Variants in ZFYVE9 observed in about 807,000 individuals in gnomAD.
ZFYVE9 encodes zinc finger FYVE domain-containing protein 9.
Under a neutral mutation model 126.7 loss-of-function variants are expected in ZFYVE9, and 43 were observed. That is an observed-to-expected ratio of 0.34 (90% CI 0.27 to 0.44). The LOEUF is 0.44. ZFYVE9 is among the 20% of genes least tolerant of loss of function. The pLI is 1.00. For missense variants in ZFYVE9, 1,476 were observed against 1,697.0 expected, an observed-to-expected ratio of 0.87 and a Z score of 2.29; for synonymous variants, 521 against 597.4, an observed-to-expected ratio of 0.87 and a Z score of 1.87.
intron 3 of ZFYVE9, 28 bp downstream of exon 3, chr1:52,233,304 T>A: frequency 6.5e-7 from 1 of 1,540,250 alleles, no homozygotes; most frequent in South Asian, 1.3e-5. Flanking sequence ...TGAATCTGTT[T>A]GCCTATGTGG....
At chr1:52,278,710 G>T (rs879093304) in intron 9 of ZFYVE9, 96 bp downstream of exon 9, 5 of 813,508 alleles carry the variant, frequency 6.1e-6, no homozygotes, top group Non-Finnish European at 9.2e-6. Context: ...TTTTTATATA[G>T]AGCCACATCT....
chr1:52,326,120 C>CTCT (rs920592772), intron 13 of ZFYVE9, among the ~76,000 whole-genome samples: 54 of 152,208 alleles, frequency 3.5e-4, no homozygotes, highest in African/African-American at 1.2e-3. Context: ...ATGGTTGGTG[C>CTCT]TCTGGAAATG....
chr1:52,281,532 G>A, intron 9 of ZFYVE9, 129 bp from the exon 10 acceptor site: 2 of 1,065,304 alleles, frequency 1.9e-6, no homozygotes, highest in Non-Finnish European at 2.6e-6. Flanking sequence ...GTTCACAGTT[G>A]AATTATACAG....
chr1:52,239,706 A>G, intron 4 of ZFYVE9, 111 bp downstream of exon 4: 1 of 1,258,134 alleles, frequency 7.9e-7, no homozygotes. Context: ...GTTGACCTAA[A>G]TAGCATTTTT....
At chr1:52,254,286 T>A (rs1263420132) in intron 4 of ZFYVE9, 1 of 174,774 alleles carries the variant, frequency 5.7e-6, no homozygotes, top group Admixed American at 6.2e-5. Context: ...ATTTGCAACT[T>A]TATATATATT....
intron 12 of ZFYVE9, among the ~76,000 whole-genome samples, chr1:52,297,220 A>G (rs1645985519): frequency 6.6e-6 from 1 of 151,074 alleles, no homozygotes; most frequent in African/African-American, 2.4e-5. Flanking sequence ...AAAGTTCAGT[A>G]GTTTTCATGA....
At chr1:52,201,374 ATTTTTTTTTTTT>A (rs11344134) in intron 1 of ZFYVE9, among the ~76,000 whole-genome samples, 2 of 91,274 alleles carry the variant, frequency 2.2e-5, no homozygotes, top group African/African-American at 3.5e-5. Context: ...GTTTTTGGTA[ATTTTTTTTTTTT>A]TTTTTTTTTG....
chr1:52,267,798 G>A (rs767333343), intron 6 of ZFYVE9, among the ~76,000 whole-genome samples: 5 of 152,078 alleles, frequency 3.3e-5, no homozygotes, highest in Non-Finnish European at 7.4e-5. Context: ...TTCTAAAACT[G>A]GACTTAAAGG....
intron 10 of ZFYVE9, 31 bp downstream of exon 10, chr1:52,281,847 C>T (rs1645808716): frequency 1.2e-6 from 2 of 1,609,456 alleles, no homozygotes; most frequent in Non-Finnish European, 8.5e-7. Context: ...AGTCTGCTCC[C>T]TTTGTAGATG....
At chr1:52,322,513 G>A (rs1308357618) in intron 13 of ZFYVE9, among the ~76,000 whole-genome samples, 4 of 151,454 alleles carry the variant, frequency 2.6e-5, no homozygotes, top group Non-Finnish European at 5.9e-5. Flanking sequence ...GAGTAGCTGG[G>A]ACTACAGGTG....
intron 13 of ZFYVE9, among the ~76,000 whole-genome samples, chr1:52,315,859 A>G (rs1557516222): frequency 6.6e-6 from 1 of 152,226 alleles, no homozygotes; most frequent in African/African-American, 2.4e-5. Flanking sequence ...TGTAAGAAAC[A>G]TACGTATAAG....
rs144226254 is a variant in ZFYVE9 at position 52,278,596 on chromosome 1, A to G, written c.2851A>G (p.Met951Val). ...VFVLNANLLS[M>V]VKIVNYVNRK... is the part of the protein sequence containing the mutation. ...TGTTTTAAATGCAAATTTGTTGTCA[A>G]TGGTTAAAATTGTAAATTGTAAGTT... Residue 951 changes from methionine (M) to valine (V), a missense_variant, in exon 9 of 19, where the codon ATG (methionine) becomes GTG (valine). Physicochemically the swap from Met to Val is conservative, Grantham distance 21 (BLOSUM62 1). Around this residue, in one of 2 missense-constraint regions of ZFYVE9, gnomAD observed 669 missense variants for 902.4 expected, o/e 0.74. Coordinates refer to ENST00000287727, the MANE Select transcript of ZFYVE9 (RefSeq NM_004799.4). 28 of 1,581,046 alleles carry G rather than the reference A, an allele frequency of 1.8e-5. No individual in the cohort carries two copies. The highest frequency in any genetic ancestry group is 7.2e-5 in the Admixed American group (4 of 55,766).
chr1:52,226,889 A>G (rs766360475), intron 2 of ZFYVE9, among the ~76,000 whole-genome samples: 3 of 152,204 alleles, frequency 2.0e-5, no homozygotes, highest in Non-Finnish European at 4.4e-5. Flanking sequence ...GAGGCAACAG[A>G]TGTGCATTTA....
chr1:52,322,710 C>T (rs891853914), intron 13 of ZFYVE9, among the ~76,000 whole-genome samples: 2 of 151,852 alleles, frequency 1.3e-5, no homozygotes, highest in Non-Finnish European at 2.9e-5. Context: ...TCATATCACT[C>T]CTCTGCTTAA....
Position 52,315,454 on chromosome 1 carries a change from G to A in ZFYVE9, c.3438+11529G>A, listed in dbSNP as rs551048852. 3.9e-5 allele frequency among the ~76,000 whole-genome samples: 6 copies of A among 152,200 alleles called. No individual in the cohort carries two copies. In the East Asian group the frequency reaches 1.2e-3, roughly 29 times the overall value. On this transcript the variant is annotated intron_variant, in intron 13 of 18. Transcript: ENST00000287727. ...AAAATAAAATAACATATATTAAATAGTAATGTATTGCGGAATTTATACCAT... is the reference window on the plus strand; with the variant it reads ...AAAATAAAATAACATATATTAAATAATAATGTATTGCGGAATTTATACCAT...
intron 13 of ZFYVE9, among the ~76,000 whole-genome samples, chr1:52,304,844 C>CT (rs953033305): frequency 6.6e-5 from 10 of 151,390 alleles, no homozygotes; most frequent in Admixed American, 5.9e-4. Context: ...TGTGTGCTTA[C>CT]TTTTTTCTGG....
chr1:52,171,658 C>G (rs1261968719), intron 1 of ZFYVE9, among the ~76,000 whole-genome samples: 1 of 151,982 alleles, frequency 6.6e-6, no homozygotes, highest in Non-Finnish European at 1.5e-5. Flanking sequence ...CTCTCCAGCA[C>G]CTGTTGTTTC....
intron 4 of ZFYVE9, among the ~76,000 whole-genome samples, chr1:52,240,909 G>GT (rs1465356140): frequency 1.3e-5 from 2 of 152,060 alleles, no homozygotes; most frequent in East Asian, 3.8e-4. Flanking sequence ...TGAGCACAGT[G>GT]TTGCCTGAAA....
intron 9 of ZFYVE9, among the ~76,000 whole-genome samples, chr1:52,280,296 C>T (rs1434580950): frequency 6.7e-6 from 1 of 150,316 alleles, no homozygotes; most frequent in East Asian, 2.0e-4. Context: ...GGGAGGAGTT[C>T]TTGAGCCCAG....
Sources: allele counts gnomAD v4.1 joint callset (sites outside exome capture counted in the v4.1 genomes callset), GRCh38; gene constraint gnomAD v4.1.1; regional missense constraint gnomAD v4.1.1; transcripts MANE v1.5; gene names NCBI Gene and HGNC (gene_info 2026-07-23, HGNC 2026-07-21).